The following RLF variants were observed in gnomAD, a reference collection of about 807,000 sequenced individuals.
The protein encoded by RLF is zinc finger protein Rlf.
A neutral mutation model predicts 162.9 loss-of-function variants in RLF; 7 were observed. The ratio of observed to expected loss-of-function variants is 0.04; its 90% CI spans 0.02 to 0.08. The LOEUF is 0.08. Ranked by LOEUF, RLF falls within the 10% of genes least tolerant of loss-of-function variation. The probability of loss-of-function intolerance (pLI) is 1.00; values close to 1 mark genes in which losing one functional copy is unlikely to be tolerated. For missense variants in RLF, 1,664 were observed against 2,244.7 expected, an observed-to-expected ratio of 0.74 and a Z score of 5.23; for synonymous variants, 782 against 791.5, an observed-to-expected ratio of 0.99 and a Z score of 0.20.
At chr1:40,165,968 A>T (rs954129507) in intron 1 of RLF, among the ~76,000 whole-genome samples, 1 of 151,854 alleles carries the variant, frequency 6.6e-6, no homozygotes, top group African/African-American at 2.4e-5. Flanking sequence ...TTCCCCATCT[A>T]CCTATTTATC....
rs554522971 is a variant in RLF at position 40,198,466 on chromosome 1, G to A, written c.607+2702G>A. 7.9e-5 allele frequency among the ~76,000 whole-genome samples: 12 copies of A among 151,694 alleles called. No individual in the cohort carries two copies. The South Asian group carries it at 1.5e-3, about 18-fold the overall frequency. ...ATTACAGGCATGTGCCACCACACCC[G>A]GCTAATTTTTTATATTTAGAAATGA... is the stretch of plus-strand genomic sequence containing the variant. On this transcript the variant is annotated intron_variant, in intron 4 of 7. Transcript: ENST00000372771.
chr1:40,227,966 GCACTC>G (rs1643100031), intron 6 of RLF, among the ~76,000 whole-genome samples: 1 of 152,006 alleles, frequency 6.6e-6, no homozygotes, highest in Admixed American at 6.6e-5. Context: ...TCGCACCACT[GCACTC>G]CAGCCTGAGG....
intron 5 of RLF, among the ~76,000 whole-genome samples, chr1:40,206,451 C>A (rs939445367): frequency 3.3e-5 from 5 of 152,096 alleles, no homozygotes; most frequent in African/African-American, 1.2e-4. Flanking sequence ...AGTTTATATG[C>A]CAAATGCTGT....
chr1:40,220,292 A>G (rs979283987), intron 5 of RLF, among the ~76,000 whole-genome samples: 1 of 152,180 alleles, frequency 6.6e-6, no homozygotes, highest in Admixed American at 6.5e-5. Context: ...ATGCTCCCAC[A>G]GTATTGCTGG....
intron 6 of RLF, among the ~76,000 whole-genome samples, chr1:40,227,096 C>G (rs185480123): frequency 2.0e-5 from 3 of 152,246 alleles, no homozygotes; most frequent in East Asian, 3.9e-4. Context: ...AGCTCCTGAC[C>G]TCAGGTGAGC....
chr1:40,198,767 AG>A (rs1240536261), intron 4 of RLF, among the ~76,000 whole-genome samples: 1 of 152,208 alleles, frequency 6.6e-6, no homozygotes, highest in Non-Finnish European at 1.5e-5. Context: ...GTTGGAAGGA[AG>A]GGTATAAAAC....
chr1:40,216,500 AAG>A (rs202041844), intron 5 of RLF, among the ~76,000 whole-genome samples: 13 of 151,070 alleles, frequency 8.6e-5, no homozygotes, highest in African/African-American at 2.9e-4. Context: ...AAAAAAAAAA[AAG>A]AGAGAGAGAA....
chr1:40,232,216 T>TAAA, intron 7 of RLF, among the ~76,000 whole-genome samples: 1 of 140,852 alleles, frequency 7.1e-6, no homozygotes, highest in East Asian at 2.0e-4. Context: ...TTTTTTTTTT[T>TAAA]AAAAAAAAAA....
At chr1:40,220,227 CA>C (rs1642974568) in intron 5 of RLF, among the ~76,000 whole-genome samples, 1 of 151,932 alleles carries the variant, frequency 6.6e-6, no homozygotes, top group African/African-American at 2.4e-5. Context: ...GACTCTGTCT[CA>C]AAAAAGAAAA....
At position 40,216,430 on chromosome 1, in the gene RLF, G is replaced by T. The variant is rs113434853; in HGVS notation, c.811-6144G>T. ...TTGAACCCGGGAGGCAGAGGTTGCAGTGAGCTGAGATTGTGCCATTGCACT... is the reference window on the plus strand; with the variant it reads ...TTGAACCCGGGAGGCAGAGGTTGCATTGAGCTGAGATTGTGCCATTGCACT... On this transcript the variant is annotated intron_variant, in intron 5 of 7. Transcript: ENST00000372771. Among the ~76,000 whole-genome samples, 1,437 of 151,622 alleles carry T rather than the reference G, an allele frequency of 9.5e-3. 22 individuals carry two copies. Among genetic ancestry groups the T allele is most frequent in the African/African-American group, 0.032 (1,333 of 41,334 alleles).
At chr1:40,195,216 C>A in intron 3 of RLF, among the ~76,000 whole-genome samples, 1 of 151,010 alleles carries the variant, frequency 6.6e-6, no homozygotes, top group Middle Eastern at 3.2e-3. Context: ...TTTGGGAGGC[C>A]GAGGCGGGTG....
intron 1 of RLF, among the ~76,000 whole-genome samples, chr1:40,168,702 A>G (rs191815077): frequency 6.6e-6 from 1 of 152,112 alleles, no homozygotes; most frequent in African/African-American, 2.4e-5. Context: ...TATATAAATA[A>G]TATGTTTTGG....
At chr1:40,222,221 A>T (rs1229370077) in intron 5 of RLF, among the ~76,000 whole-genome samples, 1 of 152,188 alleles carries the variant, frequency 6.6e-6, no homozygotes, top group Non-Finnish European at 1.5e-5. Context: ...GGTCATAGAT[A>T]CTAGGGGAAG....
At chr1:40,175,017 G>A (rs140456133) in intron 1 of RLF, among the ~76,000 whole-genome samples, 17 of 152,210 alleles carry the variant, frequency 1.1e-4, no homozygotes, top group African/African-American at 3.1e-4. Flanking sequence ...ACTGGGCAAC[G>A]TAGTGAGACC....
At chr1:40,197,619 G>A (rs1232393740) in intron 4 of RLF, among the ~76,000 whole-genome samples, 1 of 152,138 alleles carries the variant, frequency 6.6e-6, no homozygotes, top group Admixed American at 6.5e-5. Flanking sequence ...CAAGAAATGG[G>A]GAGAAGCATT....
intron 1 of RLF, among the ~76,000 whole-genome samples, chr1:40,168,933 C>T (rs1642202800): frequency 6.6e-6 from 1 of 152,040 alleles, no homozygotes; most frequent in South Asian, 2.1e-4. Flanking sequence ...GCAGAGGTTG[C>T]AGTGGGCAGA....
At position 40,237,713 on chromosome 1, in the gene RLF, C is replaced by T. The variant is rs776785939; in HGVS notation, c.3011C>T (p.Thr1004Ile). Residue 1004 changes from threonine (T) to isoleucine (I), a missense_variant, in exon 8 of 8, where the codon ACA (threonine) becomes ATA (isoleucine). This residue lies in a region of RLF where 295 missense variants were observed against 317.4 expected (regional missense o/e 0.93). Coordinates refer to ENST00000372771, the MANE Select transcript of RLF (RefSeq NM_012421.4). The surrounding 1 kb of genome is among the most constrained non-coding windows in gnomAD (Gnocchi z 4.4). ...FPSLGNEHNQ[T>I]TEKLDAEPKP... ...TCTTTGGGTAATGAACATAATCAGACAACTGAAAAGTTGGATGCAGAACCT... is the reference window on the plus strand; with the variant it reads ...TCTTTGGGTAATGAACATAATCAGATAACTGAAAAGTTGGATGCAGAACCT... The T allele has an allele frequency of 1.2e-6, 2 of 1,613,978 alleles. No homozygotes were observed. The highest frequency in any genetic ancestry group is 3.3e-5 in the Admixed American group (2 of 60,000).
chr1:40,239,986 A>G lies in RLF; in HGVS notation c.5284A>G (p.Lys1762Glu), dbSNP rs1055644360. 2.5e-6 allele frequency: 4 copies of G among 1,613,756 alleles called. No individual in the cohort carries two copies. The African/African-American group carries it at 4.0e-5, about 16-fold the overall frequency. The change falls in exon 8 of 8, where the codon AAG (lysine) becomes GAG (glutamate). Residue 1762 changes from lysine (K) to glutamate (E), a missense_variant. Around this residue, in one of 15 missense-constraint regions of RLF, gnomAD observed 327 missense variants for 342.7 expected, o/e 0.95. Transcript: ENST00000372771. ...TTCACAGCCCCGGTCATTTGATTTG[A>G]AGACTTACAAACCTATGGGATTTGA... ...KHSQPRSFDL[K>E]TYKPMGFESS...
At chr1:40,168,039 T>C (rs1367338265) in intron 1 of RLF, among the ~76,000 whole-genome samples, 3 of 144,098 alleles carry the variant, frequency 2.1e-5, no homozygotes, top group South Asian at 4.3e-4. Flanking sequence ...TGGGCAACTC[T>C]ACAAAAAAAA....
Sources: allele counts gnomAD v4.1 joint callset (sites outside exome capture counted in the v4.1 genomes callset), GRCh38; gene constraint gnomAD v4.1.1; regional missense constraint gnomAD v4.1.1; non-coding constraint Gnocchi (gnomAD v3.1); transcripts MANE v1.5; gene names NCBI Gene and HGNC (gene_info 2026-07-23, HGNC 2026-07-21).